The following MBP variants were observed in gnomAD, a reference collection of about 807,000 sequenced individuals.
MBP encodes Golli-MBP.
MBP carries 16 observed loss-of-function variants against 35.8 expected under a neutral mutation model. The observed-to-expected ratio is 0.45, with a 90% CI of 0.30 to 0.68. The LOEUF is 0.68. MBP is among the 30% of genes least tolerant of loss of function. MBP has a pLI of 0.08. For synonymous variants in MBP, 143 were observed against 159.6 expected, an observed-to-expected ratio of 0.90 and a Z score of 0.78; for missense variants, 380 against 404.7, an observed-to-expected ratio of 0.94 and a Z score of 0.52.
Position 76,988,099 on chromosome 18 carries a change from C to T in MBP, c.750+396G>A, listed in dbSNP as rs1459679030. The T allele has an allele frequency of 2.2e-5, 33 of 1,495,744 alleles. No homozygotes were observed. Among genetic ancestry groups the T allele is most frequent in the Non-Finnish European group, 2.7e-5 (30 of 1,123,900 alleles). 92.7% of individuals were successfully genotyped at this position (1,495,744 alleles called of 1,614,324 possible). A position where few individuals can be genotyped will look rare whatever the true frequency, so the allele number is the denominator to read the frequency against. On this transcript the variant is annotated intron_variant, in intron 7 of 8. Transcript: ENST00000355994. The surrounding 1 kb of genome is among the most constrained non-coding windows in gnomAD (Gnocchi z 5.2). ...GTGTCAGCATCTGGGGTCACTGAGA[C>T]GGGCCAGCCAGTCCCACTTCCACAT...
intron 2 of MBP, among the ~76,000 whole-genome samples, chr18:77,100,746 T>C (rs1441434914): frequency 6.6e-6 from 1 of 151,900 alleles, no homozygotes; most frequent in Non-Finnish European, 1.5e-5. Flanking sequence ...AGAGATAAGG[T>C]CTCACTTTGT....
rs989334211 is a variant in MBP at position 77,044,546 on chromosome 18, C to T, written c.139+21752G>A. Among the ~76,000 whole-genome samples the T allele has an allele frequency of 1.3e-5, 2 of 152,110 alleles. No individual in the cohort carries two copies. The highest frequency in any genetic ancestry group is 4.8e-5 in the African/African-American group (2 of 41,434). On this transcript the variant is annotated intron_variant, in intron 3 of 8. Coordinates refer to ENST00000355994, the MANE Select transcript of MBP (RefSeq NM_001025101.2). This position sits in a 1 kb window ranked among gnomAD's most constrained non-coding sequence, Gnocchi z 4.4. ...GGAAAGCCCTCTCCAGGGCCCTCGG[C>T]CTCGCTGTCTCACATCACTCGCCTC... is the stretch of plus-strand genomic sequence containing the variant.
chr18:77,035,540 G>A (rs1972730269), intron 3 of MBP, among the ~76,000 whole-genome samples: 1 of 152,234 alleles, frequency 6.6e-6, no homozygotes, highest in African/African-American at 2.4e-5. Flanking sequence ...CCTGTGCTAG[G>A]ATGAGAAACG....
intron 2 of MBP, among the ~76,000 whole-genome samples, chr18:77,074,269 T>C (rs923624020): frequency 6.6e-6 from 1 of 150,998 alleles, no homozygotes; most frequent in African/African-American, 2.5e-5. Context: ...CAGAAGACAA[T>C]GGGTTCAGTG....
At chr18:77,115,456 G>A (rs1307586983) in intron 1 of MBP, 3 of 152,190 alleles carry the variant, frequency 2.0e-5, no homozygotes, top group African/African-American at 4.8e-5. Context: ...TTCCTATTAC[G>A]GAGTCCATGA....
chr18:77,109,464 C>A (rs1383782705), intron 1 of MBP: 1 of 152,180 alleles, frequency 6.6e-6, no homozygotes, highest in Non-Finnish European at 1.5e-5. Flanking sequence ...ACAGCCATGC[C>A]CCAAACGCCA....
chr18:77,049,236 T>A (rs1973384549), intron 3 of MBP, among the ~76,000 whole-genome samples: 1 of 152,208 alleles, frequency 6.6e-6, no homozygotes, highest in South Asian at 2.1e-4. Context: ...GGGTTTTTAA[T>A]CTGTTTTGTT....
rs188752858 is a variant in MBP at position 76,985,766 on chromosome 18, C to T, written c.751-872G>A. 172 of 998,034 alleles carry T rather than the reference C, an allele frequency of 1.7e-4. No homozygotes were observed. The African/African-American group carries it at 2.5e-3, about 14-fold the overall frequency. 61.8% of individuals were successfully genotyped at this position (998,034 alleles called of 1,614,324 possible). A position where few individuals can be genotyped will look rare whatever the true frequency, so the allele number is the denominator to read the frequency against. On this transcript the variant is annotated intron_variant, in intron 7 of 8. Transcript: ENST00000355994. Reference sequence around the variant, plus strand: ...CTCTGAGCTTCAGTTTCCTCATCTACGCAATGGGGCTGTGCGAGAACACAA... The same window carrying T: ...CTCTGAGCTTCAGTTTCCTCATCTATGCAATGGGGCTGTGCGAGAACACAA...
chr18:77,096,899 A>T (rs1975778530), intron 2 of MBP, among the ~76,000 whole-genome samples: 1 of 152,262 alleles, frequency 6.6e-6, no homozygotes, highest in Non-Finnish European at 1.5e-5. Flanking sequence ...AGAAATAATA[A>T]GGTTTTCAGA....
At chr18:77,047,336 T>C (rs544769465) in intron 3 of MBP, among the ~76,000 whole-genome samples, 29 of 152,314 alleles carry the variant, frequency 1.9e-4, no homozygotes, top group African/African-American at 7.0e-4. Context: ...CGTGCGCTAC[T>C]CCATGATGAA....
intron 2 of MBP, chr18:77,067,910 G>A (rs4890888): frequency 0.4 from 186,169 of 470,864 alleles, 37,322 homozygotes; most frequent in Non-Finnish European, 0.42. Flanking sequence ...ATGTACTGCA[G>A]GCTGTTTGTT....
intron 4 of MBP, among the ~76,000 whole-genome samples, chr18:76,997,716 T>C (rs562460721): frequency 2.5e-3 from 378 of 150,174 alleles, no homozygotes; most frequent in Non-Finnish European, 4.5e-3. Flanking sequence ...GGAGTCTCAC[T>C]TTGTCCCCCA....
intron 7 of MBP, chr18:76,987,568 T>G (rs1428963249): frequency 1.0e-6 from 1 of 985,324 alleles, no homozygotes; most frequent in Non-Finnish European, 1.2e-6. Flanking sequence ...TTCTTTCTCC[T>G]TGTTGTTTTT....
intron 2 of MBP, among the ~76,000 whole-genome samples, chr18:77,068,016 C>CGTGTGTGTGTGTGTGTGT (rs56090018): frequency 6.7e-6 from 1 of 149,624 alleles, no homozygotes; most frequent in Non-Finnish European, 1.5e-5. Context: ...CCCTCCATCC[C>CGTGTGTGTGTGTGTGTGT]GTGTGTGTGT....
chr18:77,015,026 G>C, intron 4 of MBP: 1 of 982,822 alleles, frequency 1.0e-6, no homozygotes, highest in Non-Finnish European at 1.2e-6. Flanking sequence ...TCTGAGACTA[G>C]AATGTTTTCT....
At chr18:77,088,131 C>G (rs1266550871) in intron 2 of MBP, among the ~76,000 whole-genome samples, 2 of 152,194 alleles carry the variant, frequency 1.3e-5, no homozygotes, top group African/African-American at 4.8e-5. Flanking sequence ...CTCCGGGATG[C>G]GTCTTCGAGT....
intron 1 of MBP, among the ~76,000 whole-genome samples, chr18:77,120,952 T>C (rs1321276663): frequency 6.6e-6 from 1 of 152,216 alleles, no homozygotes; most frequent in Non-Finnish European, 1.5e-5. Context: ...GCAAATGCAG[T>C]TGTTTTGTTT....
At chr18:77,120,886 C>T (rs959525626) in intron 1 of MBP, among the ~76,000 whole-genome samples, 3 of 152,204 alleles carry the variant, frequency 2.0e-5, no homozygotes, top group East Asian at 3.8e-4. Flanking sequence ...AGATTTAGGA[C>T]CCCGTGAGGA....
chr18:77,054,948 G>A (rs979483550), intron 3 of MBP, among the ~76,000 whole-genome samples: 1 of 152,214 alleles, frequency 6.6e-6, no homozygotes, highest in African/African-American at 2.4e-5. Flanking sequence ...AAGCCCAGAG[G>A]AGAAGGTGAG....
Sources: allele counts gnomAD v4.1 joint callset (sites outside exome capture counted in the v4.1 genomes callset), GRCh38; gene constraint gnomAD v4.1.1; non-coding constraint Gnocchi (gnomAD v3.1); transcripts MANE v1.5; gene names NCBI Gene and HGNC (gene_info 2026-07-23, HGNC 2026-07-21).